The following SLC4A10 variants were observed in gnomAD, a reference collection of about 807,000 sequenced individuals.
SLC4A10 encodes the protein sodium-driven chloride bicarbonate exchanger.
A neutral mutation model predicts 137.7 loss-of-function variants in SLC4A10; 42 were observed. That is an observed-to-expected ratio of 0.30 (90% CI 0.24 to 0.39). The LOEUF is 0.39. SLC4A10 is among the 10% of genes least tolerant of loss of function. SLC4A10 has a pLI of 1.00. For missense variants in SLC4A10, 925 were observed against 1,355.0 expected, an observed-to-expected ratio of 0.68 and a Z score of 4.98; for synonymous variants, 474 against 464.1, an observed-to-expected ratio of 1.02 and a Z score of -0.27.
intron 1 of SLC4A10, among the ~76,000 whole-genome samples, chr2:161,689,655 T>A (rs2041790396): frequency 6.6e-6 from 1 of 152,178 alleles, no homozygotes; most frequent in South Asian, 2.1e-4. Flanking sequence ...AATACTGTAA[T>A]TAATATTTGG....
chr2:161,967,287 G>A (rs1280077978), intron 23 of SLC4A10, among the ~76,000 whole-genome samples: 1 of 152,080 alleles, frequency 6.6e-6, no homozygotes, highest in African/African-American at 2.4e-5. Flanking sequence ...GTGCTGCAAG[G>A]GAATAGCGTC....
intron 1 of SLC4A10, among the ~76,000 whole-genome samples, chr2:161,752,772 A>T (rs950840588): frequency 6.6e-6 from 1 of 152,138 alleles, no homozygotes; most frequent in African/African-American, 2.4e-5. Context: ...AGTTGAACTC[A>T]TTTAAGCAGA....
intron 3 of SLC4A10, among the ~76,000 whole-genome samples, chr2:161,838,591 C>T (rs371125492): frequency 3.9e-5 from 6 of 152,004 alleles, no homozygotes; most frequent in African/African-American, 7.3e-5. Context: ...CAAAAAATGT[C>T]GTGTATCCAG....
chr2:161,692,817 G>A (rs550543114), intron 1 of SLC4A10, among the ~76,000 whole-genome samples: 12 of 152,104 alleles, frequency 7.9e-5, no homozygotes, highest in African/African-American at 2.9e-4. Flanking sequence ...CAAGTTCGAT[G>A]CTACATTTGC....
At chr2:161,934,839 T>C (rs1691278642) in intron 15 of SLC4A10, among the ~76,000 whole-genome samples, 1 of 152,192 alleles carries the variant, frequency 6.6e-6, no homozygotes, top group African/African-American at 2.4e-5. Context: ...AACATTAATC[T>C]CTTATCAGAT....
At chr2:161,876,971 C>A (rs898227620) in intron 8 of SLC4A10, among the ~76,000 whole-genome samples, 1 of 151,888 alleles carries the variant, frequency 6.6e-6, no homozygotes, top group African/African-American at 2.4e-5. Flanking sequence ...ATTTGCTTAT[C>A]CTGAATTTAA....
intron 11 of SLC4A10, among the ~76,000 whole-genome samples, chr2:161,897,358 T>A (rs1165068481): frequency 6.6e-6 from 1 of 152,098 alleles, no homozygotes; most frequent in Non-Finnish European, 1.5e-5. Context: ...TACTTAGTCT[T>A]GCCTTTGGCC....
intron 4 of SLC4A10, among the ~76,000 whole-genome samples, chr2:161,841,960 C>A (rs567404740): frequency 6.6e-5 from 10 of 152,060 alleles, no homozygotes; most frequent in Non-Finnish European, 1.2e-4. Context: ...GTGTTCATAT[C>A]TTATCTTTTC....
chr2:161,872,489 T>G (rs758677947), intron 7 of SLC4A10, 105 bp downstream of exon 7: 2 of 819,616 alleles, frequency 2.4e-6, no homozygotes, highest in Non-Finnish European at 3.9e-6. Flanking sequence ...GCTTTTTGTT[T>G]CTTGTCAAAG....
chr2:161,894,534 C>A (rs2063248630), intron 10 of SLC4A10, 145 bp from the exon 11 acceptor site: 1 of 325,596 alleles, frequency 3.1e-6, no homozygotes, highest in Non-Finnish European at 5.3e-6. Flanking sequence ...TAATATTTTA[C>A]AACATAAACT....
intron 1 of SLC4A10, among the ~76,000 whole-genome samples, chr2:161,735,422 T>G (rs1012766887): frequency 6.6e-6 from 1 of 152,192 alleles, no homozygotes; most frequent in South Asian, 2.1e-4. Flanking sequence ...TTTTTACTTA[T>G]AAATGACTCA....
chr2:161,870,279 A>T (rs997730186), intron 6 of SLC4A10, among the ~76,000 whole-genome samples: 2 of 151,662 alleles, frequency 1.3e-5, no homozygotes, highest in African/African-American at 4.8e-5. Context: ...ATGAAAACAT[A>T]AGGTATTCAA....
intron 1 of SLC4A10, among the ~76,000 whole-genome samples, chr2:161,701,569 T>C (rs1257774857): frequency 6.6e-6 from 1 of 151,984 alleles, no homozygotes; most frequent in African/African-American, 2.4e-5. Flanking sequence ...ATCTTTTCTT[T>C]TGTTGGGAAC....
At chr2:161,797,722 A>G (rs926358374) in intron 2 of SLC4A10, among the ~76,000 whole-genome samples, 5 of 152,112 alleles carry the variant, frequency 3.3e-5, no homozygotes, top group African/African-American at 9.6e-5. Flanking sequence ...AAGATTAAAA[A>G]TAAACACTAT....
At chr2:161,870,752 T>A (rs1402966075) in intron 6 of SLC4A10, among the ~76,000 whole-genome samples, 1 of 151,906 alleles carries the variant, frequency 6.6e-6, no homozygotes, top group African/African-American at 2.4e-5. Context: ...ATGAGAATAA[T>A]TTATGTAGCT....
At chr2:161,683,034 A>G (rs922248763) in intron 1 of SLC4A10, among the ~76,000 whole-genome samples, 1 of 152,144 alleles carries the variant, frequency 6.6e-6, no homozygotes, top group Non-Finnish European at 1.5e-5. Flanking sequence ...ACAAAATACT[A>G]CATTTTTTGC....
chr2:161,799,468 T>A (rs2055152016), intron 2 of SLC4A10, among the ~76,000 whole-genome samples: 1 of 151,938 alleles, frequency 6.6e-6, no homozygotes, highest in Admixed American at 6.6e-5. Context: ...GATTCTCTAG[T>A]TCTTTAGGCC....
chr2:161,673,591 T>A (rs768854129), intron 1 of SLC4A10, among the ~76,000 whole-genome samples: 8 of 152,212 alleles, frequency 5.3e-5, no homozygotes, highest in Non-Finnish European at 1.0e-4. Context: ...CTTCTCTGTT[T>A]CATTAAAATG....
At position 161,786,904 on chromosome 2, in the gene SLC4A10, T is replaced by C. The variant is rs1403835616; in HGVS notation, c.130+15850T>C. Among the ~76,000 whole-genome samples the C allele has an allele frequency of 3.9e-5, 6 of 152,058 alleles. No homozygotes were observed. In the East Asian group the frequency reaches 1.2e-3, roughly 29 times the overall value. On this transcript the variant is annotated intron_variant, in intron 2 of 26. Coordinates refer to ENST00000446997, the MANE Select transcript of SLC4A10 (RefSeq NM_001178015.2). The stretch of plus-strand genomic sequence containing the variant: ...GACATGTGAAGTTTTGTCCCAATCA[T>C]AGTATTGTTAGCTAGTTGCTTTGCA...
Sources: allele counts gnomAD v4.1 joint callset (sites outside exome capture counted in the v4.1 genomes callset), GRCh38; gene constraint gnomAD v4.1.1; transcripts MANE v1.5; gene names NCBI Gene and HGNC (gene_info 2026-07-23, HGNC 2026-07-21).